Variants in BRAF observed in about 807,000 individuals in gnomAD.
The protein encoded by BRAF is B-Raf proto-oncogene, serine/threonine kinase.
Under a neutral mutation model 104.6 loss-of-function variants are expected in BRAF, and 16 were observed. The ratio of observed to expected loss-of-function variants is 0.15; its 90% confidence interval spans 0.10 to 0.23. BRAF has a LOEUF of 0.23. BRAF is among the 10% of genes least tolerant of loss of function. The pLI, the probability that BRAF is intolerant of heterozygous loss-of-function variation, is 1.00. For synonymous variants in BRAF, 310 were observed against 341.6 expected (o/e 0.91, Z 1.02); for missense variants, 541 against 937.3 (o/e 0.58, Z 5.52).
chr7:140,734,975 T>A (rs1796291314), intron 18 of BRAF, among the ~76,000 whole-genome samples: 1 of 152,118 alleles, frequency 6.6e-6, no homozygotes, highest in Non-Finnish European at 1.5e-5. Flanking sequence ...TGTAAATAAT[T>A]GGTATTTTTT....
Position 140,760,687 on chromosome 7 carries a change from T to G in BRAF, c.1815-6454A>C, listed in dbSNP as rs188380001. 2.0e-5 allele frequency among the ~76,000 whole-genome samples: 3 copies of G among 151,790 alleles called. No homozygotes were observed. The East Asian group carries it at 5.8e-4, about 29-fold the overall frequency. ...AACTAGAATAACCAGTGTAGAGAAGTGCTTAAAGGAGCTGATGGGGCTGAA... is the reference window on the plus strand; with the variant it reads ...AACTAGAATAACCAGTGTAGAGAAGGGCTTAAAGGAGCTGATGGGGCTGAA... On this transcript the variant is annotated intron_variant, in intron 14 of 19. Coordinates refer to ENST00000644969, the MANE Select transcript of BRAF (RefSeq NM_001374258.1).
rs546086576 is a variant in BRAF, at chr7:140,890,717, G to C, written c.138+33849C>G. Reference sequence around the variant, plus strand: ...CAGAACCTCTGGTGCAGGGCCCCAGGCATCTGTACCTTCTGAAGTTCTCCA... The same window carrying C: ...CAGAACCTCTGGTGCAGGGCCCCAGCCATCTGTACCTTCTGAAGTTCTCCA... On this transcript the variant is annotated intron_variant, in intron 1 of 19. Transcript: ENST00000644969. Among the ~76,000 whole-genome samples the C allele has an allele frequency of 4.6e-5, 7 of 152,244 alleles. No individual in the cohort carries two copies. The South Asian group carries it at 1.5e-3, about 32-fold the overall frequency.
intron 1 of BRAF, among the ~76,000 whole-genome samples, chr7:140,882,752 G>C (rs1813082189): frequency 6.6e-6 from 1 of 151,724 alleles, no homozygotes; most frequent in Non-Finnish European, 1.5e-5. Flanking sequence ...CAGCACTTTG[G>C]GAGGCCGAGG....
chr7:140,905,887 G>A (rs757461914), intron 1 of BRAF, among the ~76,000 whole-genome samples: 28 of 151,288 alleles, frequency 1.9e-4, no homozygotes, highest in Non-Finnish European at 3.5e-4. Context: ...AGGAGATCGA[G>A]ACCATCCCGG....
Position 140,722,020 on chromosome 7 carries a change from C to T in BRAF, c.*4474G>A, listed in dbSNP as rs1795347685. ...TTCAATTTCCCCTTCTAAGTTAATA[C>T]ATGATTGCTGCCCATCATACAGTAC... On this transcript the variant is annotated 3_prime_UTR_variant, in exon 20 of 20. Coordinates refer to ENST00000644969, the MANE Select transcript of BRAF (RefSeq NM_001374258.1). 2.6e-6 allele frequency: 3 copies of T among 1,143,588 alleles called. No individual in the cohort carries two copies. Among genetic ancestry groups the T allele is most frequent in the Non-Finnish European group, 3.2e-6 (3 of 931,854 alleles). The allele number at this position is 1,143,588 out of a possible 1,614,324, so 70.8% of individuals were successfully genotyped here.
rs116053583 is a variant in BRAF at position 140,863,958 on chromosome 7, C to G, written c.139-13746G>C. 7.7e-3 allele frequency among the ~76,000 whole-genome samples: 1,176 copies of G among 152,276 alleles called. 19 individuals carry two copies. Among genetic ancestry groups the G allele is most frequent in the African/African-American group, 0.027 (1,110 of 41,548 alleles). ...ATCAGAGAACAGATAAATATACCAT[C>G]CCATTTTATAGACGAGCACATTGTG... On this transcript the variant is annotated intron_variant, in intron 1 of 19. Transcript: ENST00000644969.
At chr7:140,843,821 C>T (rs1397632677) in intron 2 of BRAF, among the ~76,000 whole-genome samples, 31 of 151,852 alleles carry the variant, frequency 2.0e-4, no homozygotes, top group Admixed American at 2.0e-3. Flanking sequence ...TTGGCTAACA[C>T]GGTGAAACCC....
At chr7:140,912,145 C>A (rs894267639) in intron 1 of BRAF, among the ~76,000 whole-genome samples, 2 of 152,074 alleles carry the variant, frequency 1.3e-5, no homozygotes, top group Non-Finnish European at 2.9e-5. Context: ...AGAGTGAGAC[C>A]CCCATCTCTT....
rs572734031 is a variant in BRAF, at chr7:140,918,999, C to T, written c.138+5567G>A. The stretch of plus-strand genomic sequence containing the variant: ...CTAAAAATACAAAAAATTAGCTGGG[C>T]GTGGTGGCAGGCGCCTGTAGTCCCA... On this transcript the variant is annotated intron_variant, in intron 1 of 19. Transcript: ENST00000644969. 3.3e-3 allele frequency among the ~76,000 whole-genome samples: 495 copies of T among 151,464 alleles called. 6 individuals are homozygous for T. Among genetic ancestry groups the T allele is most frequent in the Non-Finnish European group, 6.2e-3 (421 of 67,832 alleles).
In BRAF at chr7:140,791,898, T is replaced by C. The variant is rs547732292; in HGVS notation, c.1140+2410A>G. On this transcript the variant is annotated intron_variant, in intron 8 of 19. Coordinates refer to ENST00000644969, the MANE Select transcript of BRAF (RefSeq NM_001374258.1). ...TAAGTGTAAGAGAGAAAGGCCAGGT[T>C]TGAACCCACTTCAGTAATTTATCAG... Among the ~76,000 whole-genome samples the C allele has an allele frequency of 8.0e-4, 122 of 152,330 alleles. 1 individual carries two copies. Among genetic ancestry groups the C allele is most frequent in the Admixed American group, 5.2e-4 (8 of 15,300 alleles).
intron 1 of BRAF, among the ~76,000 whole-genome samples, chr7:140,867,870 T>C (rs1811152736): frequency 1.3e-5 from 2 of 152,182 alleles, no homozygotes; most frequent in South Asian, 4.1e-4. Context: ...CCCTTTCCAT[T>C]CTGACCCTGG....
intron 1 of BRAF, among the ~76,000 whole-genome samples, chr7:140,908,280 C>T (rs924164540): frequency 6.6e-6 from 1 of 152,156 alleles, no homozygotes; most frequent in Non-Finnish European, 1.5e-5. Flanking sequence ...ATTTTAATTA[C>T]ATTGCTGAAA....
intron 1 of BRAF, among the ~76,000 whole-genome samples, chr7:140,870,943 T>A (rs908607431): frequency 3.3e-5 from 5 of 150,728 alleles, no homozygotes; most frequent in Non-Finnish European, 5.9e-5. Context: ...AGTAACTCAG[T>A]CTGGCTGGGC....
At chr7:140,919,835 T>TG (rs992752005) in intron 1 of BRAF, among the ~76,000 whole-genome samples, 2 of 151,882 alleles carry the variant, frequency 1.3e-5, no homozygotes, top group African/African-American at 4.8e-5. Context: ...TTTTTGTTTT[T>TG]TTTTTGTTTG....
At chr7:140,792,224 G>A (rs1802047776) in intron 8 of BRAF, among the ~76,000 whole-genome samples, 1 of 152,064 alleles carries the variant, frequency 6.6e-6, no homozygotes, top group Non-Finnish European at 1.5e-5. Flanking sequence ...CTGAAATACT[G>A]TAAAAACCAC....
intron 17 of BRAF, among the ~76,000 whole-genome samples, chr7:140,746,222 C>T (rs771301340): frequency 6.6e-5 from 10 of 152,100 alleles, no homozygotes; most frequent in Non-Finnish European, 8.8e-5. Flanking sequence ...AAAGAAGACA[C>T]GGCACTTCTA....
At chr7:140,862,542 C>T (rs1343755525) in intron 1 of BRAF, among the ~76,000 whole-genome samples, 1 of 152,186 alleles carries the variant, frequency 6.6e-6, no homozygotes, top group Non-Finnish European at 1.5e-5. Context: ...AATTAAAAGA[C>T]TCATATCTAC....
Position 140,719,820 on chromosome 7 carries a change from C to G in BRAF, c.*6674G>C. Reference sequence around the variant, plus strand: ...AGTCCCCATCTTTTCACTGGGCACGCCCCAGACTCCACGAGAACCTTTTCA... The same window carrying G: ...AGTCCCCATCTTTTCACTGGGCACGGCCCAGACTCCACGAGAACCTTTTCA... On this transcript the variant is annotated 3_prime_UTR_variant, in exon 20 of 20. Transcript: ENST00000644969. 5.6e-6 allele frequency: 6 copies of G among 1,063,104 alleles called. No homozygotes were observed. The highest frequency in any genetic ancestry group is 6.8e-6 in the Non-Finnish European group (6 of 877,916). 65.9% of individuals were successfully genotyped at this position (1,063,104 alleles called of 1,614,324 possible).
intron 14 of BRAF, among the ~76,000 whole-genome samples, chr7:140,761,390 A>G (rs932286736): frequency 1.3e-5 from 2 of 152,196 alleles, no homozygotes; most frequent in East Asian, 1.9e-4. Context: ...TGAAGGAAGC[A>G]CTAAACATGG....
Sources: allele counts gnomAD v4.1 joint callset (sites outside exome capture counted in the v4.1 genomes callset), GRCh38; gene constraint gnomAD v4.1.1; transcripts MANE v1.5; gene names NCBI Gene and HGNC (gene_info 2026-07-23, HGNC 2026-07-21).